The following IQCJ variants were observed in gnomAD, a reference collection of about 807,000 sequenced individuals.
IQCJ encodes the protein IQ domain-containing protein J.
Under a neutral mutation model 11.0 loss-of-function variants are expected in IQCJ, and 9 were observed. The observed-to-expected ratio is 0.82, with a 90% CI of 0.49 to 1.43. IQCJ has a LOEUF of 1.43. Among genes scored for constraint, IQCJ ranks in the 40% most tolerant of loss-of-function variants. The pLI, the probability that IQCJ is intolerant of heterozygous loss-of-function variation, is 0.00. For missense variants in IQCJ, 146 were observed against 133.2 expected (o/e 1.10, Z -0.47); for synonymous variants, 55 against 51.3 (o/e 1.07, Z -0.31).
chr3:159,250,399 C>G (rs1727527515), intron 2 of IQCJ, among the ~76,000 whole-genome samples: 1 of 152,016 alleles, frequency 6.6e-6, no homozygotes, highest in Admixed American at 6.6e-5. Flanking sequence ...CTTAAAGTAT[C>G]CTTGTCATAA....
At chr3:159,187,557 A>G (rs1383459351) in intron 1 of IQCJ, among the ~76,000 whole-genome samples, 1 of 152,260 alleles carries the variant, frequency 6.6e-6, no homozygotes, top group African/African-American at 2.4e-5. Flanking sequence ...CCGCGCGGTC[A>G]GGCGGCCACA....
intron 1 of IQCJ, among the ~76,000 whole-genome samples, chr3:159,087,812 T>C (rs1576996061): frequency 1.3e-5 from 2 of 151,826 alleles, no homozygotes; most frequent in Admixed American, 6.6e-5. Flanking sequence ...TCTCTCTTTT[T>C]TTCTTTATTA....
chr3:159,202,865 T>G (rs943466934), intron 1 of IQCJ, among the ~76,000 whole-genome samples: 3 of 152,260 alleles, frequency 2.0e-5, no homozygotes, highest in African/African-American at 7.2e-5. Flanking sequence ...GAACATAATT[T>G]CACAGATTGC....
chr3:159,128,925 T>C (rs772125729), intron 1 of IQCJ, among the ~76,000 whole-genome samples: 2 of 152,174 alleles, frequency 1.3e-5, no homozygotes, highest in African/African-American at 2.4e-5. Flanking sequence ...CCTGTTTCTG[T>C]CTTTGCTCAT....
At chr3:159,121,294 C>A (rs866534879) in intron 1 of IQCJ, among the ~76,000 whole-genome samples, 1 of 151,814 alleles carries the variant, frequency 6.6e-6, no homozygotes, top group Non-Finnish European at 1.5e-5. Flanking sequence ...TTACCATGCC[C>A]GGCTAATCAA....
chr3:159,148,181 G>A (rs1179001165), intron 1 of IQCJ, among the ~76,000 whole-genome samples: 6 of 152,176 alleles, frequency 3.9e-5, no homozygotes, highest in Non-Finnish European at 7.3e-5. Context: ...TGTTTCCTAT[G>A]GATTCTGTGT....
rs556640689 is a variant in IQCJ at position 159,230,896 on chromosome 3, G to GA, written c.10-14942dup. On this transcript the variant is annotated intron_variant, in intron 1 of 3. Coordinates refer to ENST00000397832, the MANE Select transcript of IQCJ (RefSeq NM_001042706.3). ...GTGTATTATTGTTGGGGGTGTGTAG[G>GA]AAAAATAGCCATATTCAAACCTAAA... Among the ~76,000 whole-genome samples the GA allele has an allele frequency of 3.7e-3, 559 of 152,176 alleles. 5 individuals carry two copies. Among genetic ancestry groups the GA allele is most frequent in the African/African-American group, 0.013 (542 of 41,518 alleles).
chr3:159,108,050 A>AATGGGC (rs2108113810), intron 1 of IQCJ, among the ~76,000 whole-genome samples: 1 of 151,448 alleles, frequency 6.6e-6, no homozygotes, highest in Non-Finnish European at 1.5e-5. Flanking sequence ...GAAAATGACC[A>AATGGGC]ATGGGCATGA....
At chr3:159,090,834 G>A (rs1207867465) in intron 1 of IQCJ, among the ~76,000 whole-genome samples, 1 of 151,824 alleles carries the variant, frequency 6.6e-6, no homozygotes, top group Non-Finnish European at 1.5e-5. Flanking sequence ...CAATTGGAAG[G>A]AATCGACAAA....
chr3:159,249,403 T>A (rs1030956527), intron 2 of IQCJ, among the ~76,000 whole-genome samples: 54 of 152,270 alleles, frequency 3.5e-4, no homozygotes, highest in African/African-American at 1.3e-3. Context: ...GTGTGCTTAT[T>A]TTTTTTCAAT....
chr3:159,090,643 A>G (rs1170989837), intron 1 of IQCJ, among the ~76,000 whole-genome samples: 1 of 151,700 alleles, frequency 6.6e-6, no homozygotes, highest in Non-Finnish European at 1.5e-5. Flanking sequence ...AGCTGTGAGG[A>G]AGCTGAGGTG....
rs186885453 is a variant in IQCJ, at chr3:159,123,774, C to T, written c.9+54333C>T. Among the ~76,000 whole-genome samples the T allele has an allele frequency of 7.2e-5, 11 of 152,228 alleles. No homozygotes were observed. The East Asian group carries it at 2.1e-3, about 29-fold the overall frequency. Reference sequence around the variant, plus strand: ...GCTGTCAGGAGTGAGGACCTTGGGCCTCTGTGAAGATAGAGGTTGCCTGTC... The same window carrying T: ...GCTGTCAGGAGTGAGGACCTTGGGCTTCTGTGAAGATAGAGGTTGCCTGTC... On this transcript the variant is annotated intron_variant, in intron 1 of 3. Transcript: ENST00000397832.
At chr3:159,222,348 A>T (rs150119036) in intron 1 of IQCJ, among the ~76,000 whole-genome samples, 229 of 152,322 alleles carry the variant, frequency 1.5e-3, no homozygotes, top group African/African-American at 5.4e-3. Context: ...ATTTGTGACA[A>T]ATTACAAGGA....
intron 3 of IQCJ, among the ~76,000 whole-genome samples, chr3:159,257,324 G>A (rs1053160089): frequency 6.6e-6 from 1 of 152,102 alleles, no homozygotes; most frequent in Admixed American, 6.6e-5. Context: ...CAGTAACCCT[G>A]GGTGCATTAT....
chr3:159,167,927 T>A (rs1722265094), intron 1 of IQCJ, among the ~76,000 whole-genome samples: 1 of 152,206 alleles, frequency 6.6e-6, no homozygotes, highest in Non-Finnish European at 1.5e-5. Context: ...CTTTGTCACT[T>A]CTTTTCAGAG....
At chr3:159,127,526 A>G (rs1293372181) in intron 1 of IQCJ, among the ~76,000 whole-genome samples, 2 of 152,172 alleles carry the variant, frequency 1.3e-5, no homozygotes, top group East Asian at 3.9e-4. Context: ...GCCATAAAGC[A>G]TCTATTTGTG....
At chr3:159,101,885 A>G (rs1437862754) in intron 1 of IQCJ, among the ~76,000 whole-genome samples, 1 of 152,162 alleles carries the variant, frequency 6.6e-6, no homozygotes, top group African/African-American at 2.4e-5. Flanking sequence ...TTTCTATCCA[A>G]TCTCCATGAG....
At chr3:159,216,796 C>T (rs1009348694) in intron 1 of IQCJ, among the ~76,000 whole-genome samples, 2 of 152,116 alleles carry the variant, frequency 1.3e-5, no homozygotes, top group Admixed American at 6.6e-5. Flanking sequence ...GTTATCAAAA[C>T]AACCCTTGAA....
intron 1 of IQCJ, among the ~76,000 whole-genome samples, chr3:159,195,741 C>A (rs1244263851): frequency 6.6e-6 from 1 of 152,186 alleles, no homozygotes; most frequent in Non-Finnish European, 1.5e-5. Context: ...AAAGCTATCA[C>A]CCCCGTAGTG....
Sources: allele counts gnomAD v4.1 joint callset (sites outside exome capture counted in the v4.1 genomes callset), GRCh38; gene constraint gnomAD v4.1.1; transcripts MANE v1.5; gene names NCBI Gene and HGNC (gene_info 2026-07-23, HGNC 2026-07-21).